CBX7: variants seen among roughly 807,000 people sequenced by gnomAD.
CBX7 encodes the protein chromobox protein homolog 7.
A neutral mutation model predicts 31.4 loss-of-function variants in CBX7; 14 were observed. The observed-to-expected ratio is 0.45, with a 90% CI of 0.29 to 0.70. The LOEUF (loss-of-function observed/expected upper bound fraction) is 0.70, where lower values mean the gene tolerates loss of function less well. CBX7 is among the 30% of genes least tolerant of loss of function. CBX7 has a pLI of 0.11. For missense variants in CBX7, 269 were observed against 351.9 expected, an observed-to-expected ratio of 0.76 and a Z score of 1.89; for synonymous variants, 159 against 152.6, an observed-to-expected ratio of 1.04 and a Z score of -0.31.
chr22:39,150,102 C>T (rs1569113050), intron 1 of CBX7, among the ~76,000 whole-genome samples: 3 of 152,236 alleles, frequency 2.0e-5, no homozygotes. Flanking sequence ...GAGGCCCAAG[C>T]CCAGGGCTCA....
At position 39,138,887 on chromosome 22, in the gene CBX7, G is replaced by C. The variant is rs141099034; in HGVS notation, c.180-185C>G. Among the ~76,000 whole-genome samples, 447 of 152,350 alleles carry C rather than the reference G, an allele frequency of 2.9e-3. 3 individuals are homozygous for C. Among genetic ancestry groups the C allele is most frequent in the Non-Finnish European group, 4.8e-3 (329 of 68,028 alleles). Reference sequence around the variant, plus strand: ...AACGGGGTCAGATGTTCAACTCCCAGGGCCAAGGTCTTCCCATCTGACAAA... The same window carrying C: ...AACGGGGTCAGATGTTCAACTCCCACGGCCAAGGTCTTCCCATCTGACAAA... On this transcript the variant is annotated intron_variant, in intron 3 of 5. Coordinates refer to ENST00000216133, the MANE Select transcript of CBX7 (RefSeq NM_175709.5).
intron 4 of CBX7, 50 bp downstream of exon 4, chr22:39,138,586 A>C: frequency 6.5e-7 from 1 of 1,545,022 alleles, no homozygotes; most frequent in Non-Finnish European, 9.0e-7. Flanking sequence ...GCAGAGGGGG[A>C]CTTGGGGTTG....
rs1284760694 is a variant in CBX7, at chr22:39,134,562, T to C, written c.437A>G (p.His146Arg). ...PFPLRKPRKA[H>R]KYLRLSRKKF... The stretch of plus-strand genomic sequence containing the variant: ...CTTGCGCGAGAGCCGCAGGTACTTG[T>C]GGGCCTTTCGGGGCTTGCGGAGCGG... The change falls in exon 5 of 6, where the codon CAC (histidine) becomes CGC (arginine). Residue 146 changes from histidine to arginine, a missense_variant. Physicochemically the swap from His to Arg is conservative, Grantham distance 29 (BLOSUM62 0). Coordinates refer to ENST00000216133, the MANE Select transcript of CBX7 (RefSeq NM_175709.5). 6.2e-7 allele frequency: 1 copy of C among 1,607,250 alleles called. No individual in the cohort carries two copies. Among genetic ancestry groups the C allele is most frequent in the African/African-American group, 1.3e-5 (1 of 74,980 alleles).
chr22:39,140,344 C>T (rs1930409501), intron 3 of CBX7, among the ~76,000 whole-genome samples: 2 of 152,212 alleles, frequency 1.3e-5, no homozygotes, highest in African/African-American at 4.8e-5. Flanking sequence ...ATGGGATTCC[C>T]AAGTGTCGCA....
intron 2 of CBX7, chr22:39,148,388 C>T (rs1264785957): frequency 6.6e-6 from 1 of 152,258 alleles, no homozygotes; most frequent in African/African-American, 2.4e-5. Context: ...GTGGAGTCTC[C>T]AGAGGAGGAA....
At chr22:39,141,926 G>C (rs1200795583) in intron 2 of CBX7, among the ~76,000 whole-genome samples, 1 of 152,088 alleles carries the variant, frequency 6.6e-6, no homozygotes, top group Non-Finnish European at 1.5e-5. Context: ...CAACACCAGA[G>C]TTGTCCTGGT....
chr22:39,149,067 T>C (rs1930761612), intron 2 of CBX7: 2 of 152,226 alleles, frequency 1.3e-5, no homozygotes, highest in Non-Finnish European at 2.9e-5. Context: ...CTGGAGGGCA[T>C]TGGTGGGTTC....
chr22:39,147,127 G>A (rs1341860839), intron 2 of CBX7: 9 of 138,326 alleles, frequency 6.5e-5, no homozygotes, highest in East Asian at 2.1e-4. Flanking sequence ...TGTGGGGGAC[G>A]GCGTCTCACT....
chr22:39,137,350 G>A (rs1212702715), intron 4 of CBX7, among the ~76,000 whole-genome samples: 1 of 137,768 alleles, frequency 7.3e-6, no homozygotes, highest in Non-Finnish European at 1.6e-5. Context: ...GTTGGGGTGG[G>A]GGGGCGGGGC....
At chr22:39,138,368 T>A (rs112603461) in intron 4 of CBX7, among the ~76,000 whole-genome samples, 36 of 152,230 alleles carry the variant, frequency 2.4e-4, no homozygotes, top group African/African-American at 8.7e-4. Context: ...CTTTGAGAAT[T>A]CTAGGATTCC....
chr22:39,134,679 C>A lies in CBX7; in HGVS notation c.320G>T (p.Cys107Phe). ...CTCAGGGCTCCCGCTGCCGAGTGGG[C>A]ACGTCAGGGAGAAGCAGAGCTTCTC... Reference protein sequence around the residue: ...GKEKLCFSLTCPLGSGSPEGV... With the variant: ...GKEKLCFSLTFPLGSGSPEGV... Residue 107 changes from cysteine to phenylalanine, a missense_variant, in exon 5 of 6, where the codon TGC (cysteine) becomes TTC (phenylalanine). Physicochemically the swap from Cys to Phe is radical, Grantham distance 205. Coordinates refer to ENST00000216133, the MANE Select transcript of CBX7 (RefSeq NM_175709.5). 2 of 1,586,842 alleles carry A rather than the reference C, an allele frequency of 1.3e-6. No individual in the cohort carries two copies. Among genetic ancestry groups the A allele is most frequent in the Non-Finnish European group, 1.7e-6 (2 of 1,166,086 alleles).
chr22:39,137,441 C>T (rs367889859), intron 4 of CBX7, among the ~76,000 whole-genome samples: 3 of 152,036 alleles, frequency 2.0e-5, no homozygotes, highest in South Asian at 2.1e-4. Flanking sequence ...CTCCACCTCC[C>T]GGGCTCAAGT....
chr22:39,149,715 G>C, intron 2 of CBX7, 74 bp downstream of exon 2: 1 of 1,305,848 alleles, frequency 7.7e-7, no homozygotes, highest in Non-Finnish European at 1.1e-6. Context: ...GGCAGGGGAG[G>C]GGGCAAAAGG....
At position 39,131,751 on chromosome 22, in the gene CBX7, C is replaced by A. The variant is rs1324180837; in HGVS notation, c.*2140G>T. ...AGACCCACAGATTGCGCAAATAGTT[C>A]TTTGAAAGTGACCAGGAAGCAGGAA... is the stretch of plus-strand genomic sequence containing the variant. On this transcript the variant is annotated 3_prime_UTR_variant, in exon 6 of 6. Transcript: ENST00000216133. The A allele has an allele frequency of 6.6e-6, 1 of 152,284 alleles. No homozygotes were observed. Among genetic ancestry groups the A allele is most frequent in the African/African-American group, 2.4e-5 (1 of 41,466 alleles). The allele number at this position is 152,284 out of a possible 1,614,324, so 9.4% of individuals were successfully genotyped here.
intron 4 of CBX7, 103 bp from the exon 5 acceptor site, chr22:39,134,855 G>A: frequency 1.5e-6 from 1 of 686,962 alleles, no homozygotes; most frequent in East Asian, 2.9e-5. Flanking sequence ...CCCATGCCAT[G>A]TCTACCCACT....
At chr22:39,143,893 A>G (rs1930547903) in intron 2 of CBX7, among the ~76,000 whole-genome samples, 2 of 152,230 alleles carry the variant, frequency 1.3e-5, no homozygotes, top group Admixed American at 6.5e-5. Context: ...TCACCTAACA[A>G]TGCATTTCTC....
At chr22:39,140,383 C>A (rs1423665979) in intron 3 of CBX7, among the ~76,000 whole-genome samples, 1 of 152,176 alleles carries the variant, frequency 6.6e-6, no homozygotes, top group Non-Finnish European at 1.5e-5. Flanking sequence ...CCACCACACA[C>A]CTGGGAGGCA....
chr22:39,134,174 G>A, intron 5 of CBX7, 126 bp from the exon 6 acceptor site: 6 of 1,067,098 alleles, frequency 5.6e-6, no homozygotes, highest in Non-Finnish European at 8.0e-6. Flanking sequence ...CCTCACACAG[G>A]GCTGGACACT....
rs199633170 is a variant in CBX7 at position 39,152,559 on chromosome 22, GCGCGCACGCGCA to G, written c.-127_-116del. On this transcript the variant is annotated 5_prime_UTR_variant, in exon 1 of 6. Transcript: ENST00000216133. This position sits in a 1 kb window ranked among gnomAD's most constrained non-coding sequence, Gnocchi z 4.9. ...CGGGGTCCCCGTCACCCTCGTCCGG[GCGCGCACGCGCA>G]CGCGCACGCGCGCACACCCCCTCGC... The G allele has an allele frequency of 1.2e-4, 35 of 280,382 alleles. No individual in the cohort carries two copies. The highest frequency in any genetic ancestry group is 2.5e-4 in the South Asian group (2 of 8,116). 17.4% of individuals were successfully genotyped at this position (280,382 alleles called of 1,614,324 possible). A position where few individuals can be genotyped will look rare whatever the true frequency, so the allele number is the denominator to read the frequency against.
Sources: allele counts gnomAD v4.1 joint callset (sites outside exome capture counted in the v4.1 genomes callset), GRCh38; gene constraint gnomAD v4.1.1; non-coding constraint Gnocchi (gnomAD v3.1); transcripts MANE v1.5; gene names NCBI Gene and HGNC (gene_info 2026-07-23, HGNC 2026-07-21).